RNF216: variants seen among roughly 807,000 people sequenced by gnomAD.
RNF216 encodes ring finger protein 216, also known as E3 ubiquitin-protein ligase RNF216.
In RNF216, 72 loss-of-function variants were observed where a neutral mutation model predicts 110.8. The ratio of observed to expected loss-of-function variants is 0.65; its 90% CI spans 0.54 to 0.79. RNF216 has a LOEUF of 0.79. Among genes scored for constraint, RNF216 ranks in the 30% least tolerant of loss-of-function variants. The pLI, the probability that RNF216 is intolerant of heterozygous loss-of-function variation, is 0.00. For missense variants in RNF216, 1,342 were observed against 1,141.2 expected, an observed-to-expected ratio of 1.18 and a Z score of -2.54; for synonymous variants, 495 against 407.5, an observed-to-expected ratio of 1.21 and a Z score of -2.59.
At chr7:5,655,427 A>G (rs749259120) in intron 13 of RNF216, among the ~76,000 whole-genome samples, 11 of 152,310 alleles carry the variant, frequency 7.2e-5, no homozygotes, top group South Asian at 2.1e-4. Context: ...GAGAAACCCC[A>G]TCTCTACTAA....
At chr7:5,779,118 G>C (rs760878490) in intron 1 of RNF216, among the ~76,000 whole-genome samples, 15 of 152,202 alleles carry the variant, frequency 9.9e-5, no homozygotes, top group Non-Finnish European at 1.8e-4. Flanking sequence ...TCTCTAAAGA[G>C]CTAGAATATA....
intron 3 of RNF216, among the ~76,000 whole-genome samples, chr7:5,748,973 C>T (rs1795193114): frequency 6.6e-6 from 1 of 151,944 alleles, no homozygotes; most frequent in African/African-American, 2.4e-5. Context: ...TATTTCTCTA[C>T]CAAAATATAT....
At chr7:5,683,877 T>TA (rs1455111280) in intron 13 of RNF216, among the ~76,000 whole-genome samples, 1 of 152,056 alleles carries the variant, frequency 6.6e-6, no homozygotes. Flanking sequence ...AGAAAAAAGA[T>TA]AAACACCACA....
chr7:5,690,099 C>T (rs970794277), intron 13 of RNF216, among the ~76,000 whole-genome samples: 1 of 152,068 alleles, frequency 6.6e-6, no homozygotes, highest in African/African-American at 2.4e-5. Flanking sequence ...GAGGCTTAGG[C>T]GGGCGGATCA....
chr7:5,669,384 A>G (rs1332340079), intron 13 of RNF216, among the ~76,000 whole-genome samples: 1 of 152,232 alleles, frequency 6.6e-6, no homozygotes, highest in Non-Finnish European at 1.5e-5. Flanking sequence ...TGACACACTC[A>G]TTATCCATTC....
At chr7:5,742,354 A>G (rs1224536011) in intron 3 of RNF216, among the ~76,000 whole-genome samples, 1 of 152,034 alleles carries the variant, frequency 6.6e-6, no homozygotes, top group Non-Finnish European at 1.5e-5. Flanking sequence ...GCCCTGAATT[A>G]TAATTTAACC....
chr7:5,635,249 T>C lies in RNF216; in HGVS notation c.2382+5905A>G, dbSNP rs111830472. On this transcript the variant is annotated intron_variant, in intron 15 of 16. Transcript: ENST00000389902. ...GAAGATGAAGAAACCGAGGTCAGTTTTGATGACAGATCAATGATCACACCC... is the reference window on the plus strand; with the variant it reads ...GAAGATGAAGAAACCGAGGTCAGTTCTGATGACAGATCAATGATCACACCC... Among the ~76,000 whole-genome samples, 505 of 152,176 alleles carry C rather than the reference T, an allele frequency of 3.3e-3. 1 individual carries two copies. The highest frequency in any genetic ancestry group is 5.5e-3 in the Non-Finnish European group (377 of 68,024).
chr7:5,721,006 C>A (rs1170385193), intron 9 of RNF216, 27 bp downstream of exon 9: 13 of 1,612,586 alleles, frequency 8.1e-6, no homozygotes, highest in South Asian at 1.1e-5. Context: ...CAGAAACACA[C>A]CCCAAGACCA....
intron 14 of RNF216, among the ~76,000 whole-genome samples, chr7:5,652,116 C>T (rs1457970933): frequency 6.6e-6 from 1 of 152,022 alleles, no homozygotes; most frequent in Non-Finnish European, 1.5e-5. Context: ...CTAGTGCAGT[C>T]TAAGTTAATT....
At chr7:5,759,633 C>CTTTTTTT (rs560025609) in intron 2 of RNF216, among the ~76,000 whole-genome samples, 7 of 131,170 alleles carry the variant, frequency 5.3e-5, no homozygotes, top group Admixed American at 8.2e-5. Context: ...CATTTTTCTT[C>CTTTTTTT]TTTTTTTTTT....
intron 14 of RNF216, among the ~76,000 whole-genome samples, chr7:5,648,761 G>A (rs1013681404): frequency 2.0e-5 from 3 of 150,578 alleles, no homozygotes; most frequent in Non-Finnish European, 3.0e-5. Context: ...AAAAGAAAAC[G>A]CAGGGGACAG....
chr7:5,658,972 T>C (rs1189911069), intron 13 of RNF216, among the ~76,000 whole-genome samples: 2 of 152,030 alleles, frequency 1.3e-5, no homozygotes, highest in African/African-American at 2.4e-5. Flanking sequence ...ATTAGTGAGC[T>C]TGAGACCAAA....
At chr7:5,638,357 G>C (rs899399202) in intron 15 of RNF216, among the ~76,000 whole-genome samples, 1 of 152,176 alleles carries the variant, frequency 6.6e-6, no homozygotes, top group Admixed American at 6.5e-5. Flanking sequence ...ACAACTCAGT[G>C]AACAGTGTTG....
At chr7:5,742,534 G>A (rs998030151) in intron 3 of RNF216, among the ~76,000 whole-genome samples, 2 of 150,232 alleles carry the variant, frequency 1.3e-5, no homozygotes, top group African/African-American at 4.9e-5. Flanking sequence ...CTGTAAGACC[G>A]GCAAACTTTT....
intron 13 of RNF216, among the ~76,000 whole-genome samples, chr7:5,655,147 A>G (rs1317472406): frequency 1.3e-5 from 2 of 152,248 alleles, no homozygotes; most frequent in African/African-American, 2.4e-5. Flanking sequence ...GATGAGGCAC[A>G]GGCCCACCAG....
At chr7:5,642,014 CAG>C (rs1030827348) in intron 14 of RNF216, among the ~76,000 whole-genome samples, 1 of 112,134 alleles carries the variant, frequency 8.9e-6, no homozygotes, top group African/African-American at 3.6e-5. Context: ...GCCTATGTAA[CAG>C]AGTGAGACTC....
chr7:5,761,373 G>A (rs761233063), intron 1 of RNF216, among the ~76,000 whole-genome samples: 87 of 152,012 alleles, frequency 5.7e-4, no homozygotes, highest in Non-Finnish European at 1.1e-3. Flanking sequence ...ATGACATCTT[G>A]ATACAAATAT....
At chr7:5,644,530 G>C (rs1787934549) in intron 14 of RNF216, among the ~76,000 whole-genome samples, 1 of 150,964 alleles carries the variant, frequency 6.6e-6, no homozygotes, top group Non-Finnish European at 1.5e-5. Flanking sequence ...TTTTGAGACA[G>C]AGTCTCACTC....
At chr7:5,650,627 C>A (rs569052840) in intron 14 of RNF216, among the ~76,000 whole-genome samples, 1 of 152,276 alleles carries the variant, frequency 6.6e-6, no homozygotes, top group African/African-American at 2.4e-5. Flanking sequence ...CAGGCTACCT[C>A]AATCCTTGGC....
Sources: allele counts gnomAD v4.1 joint callset (sites outside exome capture counted in the v4.1 genomes callset), GRCh38; gene constraint gnomAD v4.1.1; transcripts MANE v1.5; gene names NCBI Gene and HGNC (gene_info 2026-07-23, HGNC 2026-07-21).